PDE8A: variants seen among roughly 807,000 people sequenced by gnomAD.
PDE8A encodes high affinity cAMP-specific and IBMX-insensitive 3',5'-cyclic phosphodiesterase 8A.
PDE8A carries 59 observed loss-of-function variants against 105.0 expected under a neutral mutation model. The ratio of observed to expected loss-of-function variants is 0.56; its 90% confidence interval spans 0.46 to 0.70. The LOEUF (loss-of-function observed/expected upper bound fraction) is 0.70. PDE8A is among the 30% of genes least tolerant of loss of function. PDE8A has a pLI of 0.00. For synonymous variants in PDE8A, 355 were observed against 371.9 expected (o/e 0.95, Z 0.52); for missense variants, 1,014 against 1,045.9 (o/e 0.97, Z 0.42).
At chr15:85,023,781 G>A (rs1368163134) in intron 1 of PDE8A, among the ~76,000 whole-genome samples, 1 of 152,152 alleles carries the variant, frequency 6.6e-6, no homozygotes, top group African/African-American at 2.4e-5. Flanking sequence ...GACACCACCA[G>A]GTTGATGGGA....
In PDE8A at chr15:85,060,023, A is replaced by G. The variant is rs182233986; in HGVS notation, c.187-4347A>G. Among the ~76,000 whole-genome samples the G allele has an allele frequency of 7.0e-4, 106 of 152,224 alleles. 2 individuals are homozygous for G. The highest frequency in any genetic ancestry group is 3.9e-3 in the Admixed American group (59 of 15,286). On this transcript the variant is annotated intron_variant, in intron 1 of 21. Transcript: ENST00000394553. Reference sequence around the variant, plus strand: ...ACCCTGTCCCTAAAAATAAATAAATAATTACTGATAAAGGTGGACTTAACT... The same window carrying G: ...ACCCTGTCCCTAAAAATAAATAAATGATTACTGATAAAGGTGGACTTAACT...
intron 1 of PDE8A, among the ~76,000 whole-genome samples, chr15:85,012,728 T>C (rs1369057171): frequency 6.6e-6 from 1 of 151,188 alleles, no homozygotes; most frequent in East Asian, 1.9e-4. Flanking sequence ...AAGAAGAAAA[T>C]AATGGTTTTA....
Position 84,996,189 on chromosome 15 carries a change from T to A in PDE8A, c.186+13841T>A, listed in dbSNP as rs1396806066. On this transcript the variant is annotated intron_variant, in intron 1 of 21. Coordinates refer to ENST00000394553, the MANE Select transcript of PDE8A (RefSeq NM_002605.3). ...ATAGTGTTTTTAAAATTTTTTTTAA[T>A]TTAATTATTTTTAGAGCCAGGGTCT... Among the ~76,000 whole-genome samples, 5 of 104,542 alleles carry A rather than the reference T, an allele frequency of 4.8e-5. No homozygotes were observed. The African/African-American group carries it at 5.4e-4, about 11-fold the overall frequency. 68.6% of individuals were successfully genotyped at this position (104,542 alleles called of 152,430 possible).
At chr15:85,018,130 A>G (rs1415095453) in intron 1 of PDE8A, among the ~76,000 whole-genome samples, 1 of 152,188 alleles carries the variant, frequency 6.6e-6, no homozygotes, top group African/African-American at 2.4e-5. Flanking sequence ...CAGTAGGCTA[A>G]CTACAGGACT....
At chr15:85,068,030 T>G (rs932565667) in intron 3 of PDE8A, among the ~76,000 whole-genome samples, 1 of 152,074 alleles carries the variant, frequency 6.6e-6, no homozygotes, top group African/African-American at 2.4e-5. Context: ...GCCATCATCA[T>G]TGTAGCCCAG....
chr15:85,089,101 G>A (rs1010895744), intron 6 of PDE8A, among the ~76,000 whole-genome samples: 1 of 152,066 alleles, frequency 6.6e-6, no homozygotes, highest in African/African-American at 2.4e-5. Context: ...TGGCCACCCT[G>A]GCTCACTGGC....
chr15:85,025,140 C>G (rs1291865404), intron 1 of PDE8A, among the ~76,000 whole-genome samples: 4 of 152,170 alleles, frequency 2.6e-5, no homozygotes. Context: ...TAACTATGCT[C>G]TTCACATCCT....
intron 17 of PDE8A, among the ~76,000 whole-genome samples, chr15:85,119,473 A>AAAAAAAAAAAAAAAAAAAAAAAAAAAC (rs1305132368): frequency 2.0e-5 from 3 of 150,258 alleles, no homozygotes; most frequent in African/African-American, 7.3e-5. Context: ...CGTCTCAAAA[A>AAAAAAAAAAAAAAAAAAAAAAAAAAAC]AAAAAAAACA....
At chr15:85,112,891 A>G (rs984161302) in intron 12 of PDE8A, among the ~76,000 whole-genome samples, 6 of 152,226 alleles carry the variant, frequency 3.9e-5, no homozygotes, top group Non-Finnish European at 5.9e-5. Context: ...CAGATTAAAC[A>G]TAACAGTGGG....
At chr15:85,129,998 T>G (rs1219803688) in intron 20 of PDE8A, among the ~76,000 whole-genome samples, 1 of 152,226 alleles carries the variant, frequency 6.6e-6, no homozygotes, top group Non-Finnish European at 1.5e-5. Context: ...CTGGGTAATT[T>G]ATAAAGAAAA....
chr15:85,070,622 A>C (rs901607012), intron 3 of PDE8A, among the ~76,000 whole-genome samples: 7 of 152,136 alleles, frequency 4.6e-5, no homozygotes, highest in Non-Finnish European at 8.8e-5. Context: ...CATGTGTAGA[A>C]ACAGGCAGGA....
chr15:85,103,407 A>G (rs1175049737), intron 11 of PDE8A, among the ~76,000 whole-genome samples: 3 of 152,148 alleles, frequency 2.0e-5, no homozygotes, highest in Non-Finnish European at 2.9e-5. Flanking sequence ...AGTTTTACCC[A>G]TCCCACCCAG....
At chr15:85,013,181 C>T (rs188267313) in intron 1 of PDE8A, among the ~76,000 whole-genome samples, 35 of 152,310 alleles carry the variant, frequency 2.3e-4, no homozygotes, top group Admixed American at 1.2e-3. Flanking sequence ...GTAGTATTTA[C>T]ATACAAAATT....
chr15:85,114,125 A>G, intron 14 of PDE8A, 88 bp downstream of exon 14: 3 of 1,145,018 alleles, frequency 2.6e-6, no homozygotes, highest in Non-Finnish European at 3.9e-6. Flanking sequence ...GATATTGAAG[A>G]GGCAGGCAGG....
intron 20 of PDE8A, among the ~76,000 whole-genome samples, chr15:85,130,761 T>G (rs2082319533): frequency 6.6e-6 from 1 of 152,220 alleles, no homozygotes; most frequent in Non-Finnish European, 1.5e-5. Context: ...TTATAATCAT[T>G]ATATCTTCCT....
chr15:85,004,533 C>T (rs1431453325), intron 1 of PDE8A, among the ~76,000 whole-genome samples: 4 of 152,196 alleles, frequency 2.6e-5, no homozygotes, highest in East Asian at 1.9e-4. Context: ...TCCTGAAGCT[C>T]GCAAGAGCTG....
chr15:85,026,776 CAA>C (rs918703645), intron 1 of PDE8A, among the ~76,000 whole-genome samples: 3 of 151,854 alleles, frequency 2.0e-5, no homozygotes, highest in Non-Finnish European at 2.9e-5. Flanking sequence ...AAACAAAAAA[CAA>C]AACAAAACAA....
At chr15:85,035,588 G>T (rs2080692989) in intron 1 of PDE8A, among the ~76,000 whole-genome samples, 1 of 151,942 alleles carries the variant, frequency 6.6e-6, no homozygotes, top group Admixed American at 6.6e-5. Flanking sequence ...TGTTTAAGGT[G>T]ATTAGTTTCA....
intron 1 of PDE8A, among the ~76,000 whole-genome samples, chr15:85,002,932 GGAA>G (rs2080089058): frequency 1.3e-5 from 2 of 152,222 alleles, no homozygotes; most frequent in African/African-American, 4.8e-5. Context: ...GAGGAATTGT[GGAA>G]GAAGACCAAA....
Sources: gnomAD v4.1 joint callset for allele counts (sites outside exome capture counted in the v4.1 genomes callset) on GRCh38, gnomAD v4.1.1 for gene constraint, MANE v1.5 for transcripts, NCBI Gene and HGNC (gene_info 2026-07-23, HGNC 2026-07-21) for gene names.